The following GPALPP1 variants were observed in gnomAD, a reference collection of about 807,000 sequenced individuals.
GPALPP1 encodes GPALPP motifs containing 1, also known as GPALPP motifs-containing protein 1.
Under a neutral mutation model 38.9 loss-of-function variants are expected in GPALPP1, and 30 were observed. The observed-to-expected ratio is 0.77, with a 90% CI of 0.58 to 1.05. The LOEUF (loss-of-function observed/expected upper bound fraction) is 1.05. Among genes scored for constraint, GPALPP1 ranks in the 50% least tolerant of loss-of-function variants. The pLI is 0.00. For missense variants in GPALPP1, 384 were observed against 408.8 expected (o/e 0.94, Z 0.52); for synonymous variants, 120 against 139.2 (o/e 0.86, Z 0.97).
At chr13:44,989,846 G>C in intron 1 of GPALPP1, 104 bp downstream of exon 1, 1 of 844,228 alleles carries the variant, frequency 1.2e-6, no homozygotes, top group Non-Finnish European at 1.9e-6. Flanking sequence ...GGAGGAGTGG[G>C]GAGTGGGCGC....
chr13:45,028,063 T>C lies in GPALPP1; in HGVS notation c.*60T>C. ...GATCAATGTGAACTTTTCTAAATAC[T>C]CTATTGTCTTTAATAATTGTGCTGA... is the stretch of plus-strand genomic sequence containing the variant. On this transcript the variant is annotated 3_prime_UTR_variant, in exon 8 of 8. Transcript: ENST00000379151. 1.3e-6 allele frequency: 1 copy of C among 789,936 alleles called. No individual in the cohort carries two copies. 48.9% of individuals were successfully genotyped at this position (789,936 alleles called of 1,614,324 possible). A position where few individuals can be genotyped will look rare whatever the true frequency, so the allele number is the denominator to read the frequency against.
At chr13:45,008,316 C>G (rs192459514) in intron 3 of GPALPP1, among the ~76,000 whole-genome samples, 43 of 152,282 alleles carry the variant, frequency 2.8e-4, no homozygotes, top group Non-Finnish European at 5.3e-4. Flanking sequence ...ATTGTCTGCA[C>G]ATGCTATATA....
At chr13:45,007,960 T>C (rs1593392627) in intron 3 of GPALPP1, among the ~76,000 whole-genome samples, 1 of 152,200 alleles carries the variant, frequency 6.6e-6, no homozygotes, top group East Asian at 1.9e-4. Flanking sequence ...GGCAAGTCTC[T>C]CTTTTGAAGT....
intron 2 of GPALPP1, 144 bp downstream of exon 2, chr13:45,004,581 T>G: frequency 1.7e-6 from 1 of 587,754 alleles, no homozygotes. Flanking sequence ...TCATCCTGAA[T>G]TATACCTTTT....
chr13:45,034,982 A>T, downstream of GPALPP1: 1 of 117,608 alleles, frequency 8.5e-6, no homozygotes. Context: ...TTTGAGACGG[A>T]GTCTGGCTCT....
intron 6 of GPALPP1, among the ~76,000 whole-genome samples, chr13:45,019,266 G>C (rs1470155921): frequency 1.3e-5 from 2 of 151,336 alleles, no homozygotes; most frequent in African/African-American, 4.9e-5. Flanking sequence ...TTGTGCCTCA[G>C]CCTCCTGAAT....
chr13:45,032,537 CT>C (rs1876248851), downstream of GPALPP1, among the ~76,000 whole-genome samples: 1 of 151,428 alleles, frequency 6.6e-6, no homozygotes, highest in Non-Finnish European at 1.5e-5. Context: ...TCCCAAGTAG[CT>C]GGGACTACAG....
intron 1 of GPALPP1, among the ~76,000 whole-genome samples, chr13:45,001,018 G>A (rs937885902): frequency 6.6e-6 from 1 of 152,172 alleles, no homozygotes; most frequent in African/African-American, 2.4e-5. Context: ...GCTTTACACT[G>A]TAATAATGTT....
intron 7 of GPALPP1, among the ~76,000 whole-genome samples, chr13:45,026,670 T>G (rs1875854425): frequency 6.6e-6 from 1 of 152,194 alleles, no homozygotes; most frequent in African/African-American, 2.4e-5. Context: ...TGTCTTTTCT[T>G]CCATTACCCA....
Position 44,989,547 on chromosome 13 carries a change from C to T in GPALPP1, c.-108C>T. ...CAACCACAGGCTTTACGTCATTTCT[C>T]GGCGCCGGGAAACCTGCCATTCTTC... On this transcript the variant is annotated 5_prime_UTR_variant, in exon 1 of 8. Transcript: ENST00000379151. The T allele has an allele frequency of 6.6e-7, 1 of 1,510,210 alleles. No homozygotes were observed. The highest frequency in any genetic ancestry group is 9.1e-7 in the Non-Finnish European group (1 of 1,096,034). 93.6% of individuals were successfully genotyped at this position (1,510,210 alleles called of 1,614,324 possible). A position where few individuals can be genotyped will look rare whatever the true frequency, so the allele number is the denominator to read the frequency against.
intron 7 of GPALPP1, among the ~76,000 whole-genome samples, chr13:45,026,632 G>T (rs2138018419): frequency 6.6e-6 from 1 of 152,244 alleles, no homozygotes; most frequent in South Asian, 2.1e-4. Context: ...GGAAGGGCCT[G>T]GAAGAGGTAT....
chr13:45,019,042 T>TAC (rs1875146647), intron 6 of GPALPP1, among the ~76,000 whole-genome samples: 3 of 78,780 alleles, frequency 3.8e-5, no homozygotes, highest in East Asian at 3.4e-4. Flanking sequence ...TACATAGAAA[T>TAC]ATATAAATAT....
At chr13:44,997,903 G>A (rs1325894192) in intron 1 of GPALPP1, among the ~76,000 whole-genome samples, 1 of 152,164 alleles carries the variant, frequency 6.6e-6, no homozygotes, top group Non-Finnish European at 1.5e-5. Flanking sequence ...TCCTAATGCT[G>A]CTAGAAGAAA....
At chr13:44,995,196 A>ACACACACACACACACACACACACACAC (rs1440318847) in intron 1 of GPALPP1, among the ~76,000 whole-genome samples, 1 of 35,986 alleles carries the variant, frequency 2.8e-5, no homozygotes, top group African/African-American at 4.7e-5. Flanking sequence ...ACACACACAC[A>ACACACACACACACACACACACACACAC]CACACACCCC....
At chr13:45,017,520 C>A (rs1178129095) in intron 6 of GPALPP1, among the ~76,000 whole-genome samples, 1 of 152,110 alleles carries the variant, frequency 6.6e-6, no homozygotes. Flanking sequence ...TATAATTTGG[C>A]CTTTAAGATT....
intron 1 of GPALPP1, among the ~76,000 whole-genome samples, chr13:44,990,808 G>C (rs1872741584): frequency 6.6e-6 from 1 of 152,142 alleles, no homozygotes; most frequent in African/African-American, 2.4e-5. Context: ...ATGCCTTCCA[G>C]CTGAGCGAGG....
chr13:45,013,982 A>G (rs1201924546), intron 4 of GPALPP1, among the ~76,000 whole-genome samples: 1 of 152,086 alleles, frequency 6.6e-6, no homozygotes, highest in Non-Finnish European at 1.5e-5. Flanking sequence ...GTTTGGCCTA[A>G]TTTTCTGTTT....
At chr13:45,013,724 G>A (rs1874638651) in intron 4 of GPALPP1, among the ~76,000 whole-genome samples, 1 of 152,106 alleles carries the variant, frequency 6.6e-6, no homozygotes. Context: ...CCAAAGACAG[G>A]AAAATCAGGG....
downstream of GPALPP1, chr13:45,033,533 C>A (rs1593414218): frequency 6.6e-6 from 1 of 152,124 alleles, no homozygotes; most frequent in East Asian, 1.9e-4. Context: ...TTGAGCTTTA[C>A]TAAGAGAATG....
Sources: allele counts gnomAD v4.1 joint callset (sites outside exome capture counted in the v4.1 genomes callset), GRCh38; gene constraint gnomAD v4.1.1; transcripts MANE v1.5; gene names NCBI Gene and HGNC (gene_info 2026-07-23, HGNC 2026-07-21).